Variants in TRPM6 observed in about 807,000 individuals in gnomAD.
The protein encoded by TRPM6 is channel kinase 2.
In TRPM6, 111 loss-of-function variants were observed where a neutral mutation model predicts 247.6. The observed-to-expected ratio is 0.45, with a 90% CI of 0.38 to 0.52. The LOEUF is 0.52. Ranked by LOEUF, TRPM6 falls within the 20% of genes least tolerant of loss-of-function variation. TRPM6 has a pLI of 0.00. For missense variants in TRPM6, 2,126 were observed against 2,421.5 expected, an observed-to-expected ratio of 0.88 and a Z score of 2.56; for synonymous variants, 892 against 853.8, an observed-to-expected ratio of 1.04 and a Z score of -0.78.
In TRPM6 at chr9:74,792,646, A is replaced by T. The variant is rs770234193; in HGVS notation, c.2516T>A (p.Ile839Asn). The T allele has an allele frequency of 6.2e-7, 1 of 1,614,136 alleles. No individual in the cohort carries two copies. The highest frequency in any genetic ancestry group is 1.1e-5 in the South Asian group (1 of 91,086). Residue 839 changes from isoleucine to asparagine, a missense_variant, in exon 19 of 39, where the codon ATT (isoleucine) becomes AAT (asparagine). Around this residue, in one of 3 missense-constraint regions of TRPM6, gnomAD observed 1,082 missense variants for 1,307.9 expected, o/e 0.83. Coordinates refer to ENST00000360774, the MANE Select transcript of TRPM6 (RefSeq NM_017662.5). ...RKVYEFYSAPIVKFWFYTMAY... is the reference protein window; with the variant it reads ...RKVYEFYSAPNVKFWFYTMAY... ...AACCGTATAAAACCAAAACTTGACAATTGGAGCACTGTAGAACTCATAGAC... is the reference window on the plus strand; with the variant it reads ...AACCGTATAAAACCAAAACTTGACATTTGGAGCACTGTAGAACTCATAGAC...
chr9:74,813,266 GA>G (rs1828799593), intron 11 of TRPM6, among the ~76,000 whole-genome samples: 1 of 152,182 alleles, frequency 6.6e-6, no homozygotes, highest in Non-Finnish European at 1.5e-5. Flanking sequence ...GTGGAGACAA[GA>G]ATGCAACATT....
chr9:74,879,524 T>C (rs1831295086), intron 1 of TRPM6, among the ~76,000 whole-genome samples: 1 of 152,170 alleles, frequency 6.6e-6, no homozygotes, highest in Non-Finnish European at 1.5e-5. Context: ...CTGCCTTTCT[T>C]ATACCTGGCC....
Position 74,788,722 on chromosome 9 carries a change from G to C in TRPM6, c.2559C>G (p.Leu853=). The C allele has an allele frequency of 6.2e-7, 1 of 1,614,064 alleles. No individual in the cohort carries two copies. The highest frequency in any genetic ancestry group is 1.7e-4 in the Middle Eastern group (1 of 6,056). The change falls in exon 20 of 39, where the codon CTC becomes CTG. Residue 853 remains leucine (L), a synonymous_variant. Coordinates refer to ENST00000360774, the MANE Select transcript of TRPM6 (RefSeq NM_017662.5). ...CCAACACGGTGTAAGTGAACAGCATGAGGAATGCCAAATACGCCATCTGTG... is the reference window on the plus strand; with the variant it reads ...CCAACACGGTGTAAGTGAACAGCATCAGGAATGCCAAATACGCCATCTGTG... ...WFYTMAYLAF[L]MLFTYTVLVE...
At position 74,775,905 on chromosome 9, in the gene TRPM6, T is replaced by C; in HGVS notation, c.3381A>G (p.Gln1127=). Residue 1127 remains glutamine (Q), a synonymous_variant, in exon 24 of 39, where the codon CAA becomes CAG. Transcript: ENST00000360774. ...TACTTAATCCAACGTCACCCTCTTC[T>C]TGGTCGTGAGGAGCTCGATGACAGC... ...RLCCHRAPHD[Q]EEGDVGLKLY... 6.2e-7 allele frequency: 1 copy of C among 1,614,132 alleles called. No individual in the cohort carries two copies. The highest frequency in any genetic ancestry group is 8.5e-7 in the Non-Finnish European group (1 of 1,180,030).
chr9:74,839,900 G>A lies in TRPM6; in HGVS notation c.544+124C>T, dbSNP rs181812092. ...AAGGAAGGAAGGAAGGAAGGAGGGA[G>A]GGAGGGAGGGAGGGAGGGAAAGAAA... On this transcript the variant is annotated intron_variant, in intron 5 of 38. Coordinates refer to ENST00000360774, the MANE Select transcript of TRPM6 (RefSeq NM_017662.5). The A allele has an allele frequency of 8.8e-4, 405 of 461,546 alleles. 9 individuals are homozygous for A. Among genetic ancestry groups the A allele is most frequent in the African/African-American group, 1.5e-3 (38 of 25,404 alleles). The allele number at this position is 461,546 out of a possible 1,614,324, so 28.6% of individuals were successfully genotyped here. A position where few individuals can be genotyped will look rare whatever the true frequency, so the allele number is the denominator to read the frequency against.
intron 1 of TRPM6, among the ~76,000 whole-genome samples, chr9:74,859,297 A>G (rs1830623634): frequency 6.6e-6 from 1 of 152,120 alleles, no homozygotes; most frequent in Non-Finnish European, 1.5e-5. Context: ...TCCAAGTGAG[A>G]TGTTGATACT....
At chr9:74,887,789 C>T (rs369042565) in intron 1 of TRPM6, 35 bp downstream of exon 1, 1 of 1,614,152 alleles carries the variant, frequency 6.2e-7, no homozygotes, top group East Asian at 2.2e-5. Flanking sequence ...CGCCTAAGGT[C>T]CTTGTTCCCC....
At chr9:74,861,886 C>T (rs1404760058) in intron 1 of TRPM6, among the ~76,000 whole-genome samples, 1 of 151,910 alleles carries the variant, frequency 6.6e-6, no homozygotes, top group Non-Finnish European at 1.5e-5. Flanking sequence ...CCCTGGACTC[C>T]AACTCCTATA....
intron 18 of TRPM6, 84 bp downstream of exon 18, chr9:74,796,657 G>T: frequency 7.2e-7 from 1 of 1,390,174 alleles, no homozygotes; most frequent in Non-Finnish European, 1.0e-6. Flanking sequence ...TTAATAGATG[G>T]CTATATAAGT....
At chr9:74,820,483 C>T in intron 8 of TRPM6, 56 bp from the exon 9 acceptor site, 1 of 1,609,872 alleles carries the variant, frequency 6.2e-7, no homozygotes, top group Non-Finnish European at 8.5e-7. Context: ...GAGCCGGCAA[C>T]ATCAGTACAA....
chr9:74,783,226 G>A (rs967538168), intron 21 of TRPM6, among the ~76,000 whole-genome samples: 1 of 152,062 alleles, frequency 6.6e-6, no homozygotes, highest in Non-Finnish European at 1.5e-5. Flanking sequence ...TTAGTCCAAT[G>A]GCTCCTTATT....
chr9:74,765,237 C>T (rs1016991580), intron 25 of TRPM6, among the ~76,000 whole-genome samples: 2 of 150,722 alleles, frequency 1.3e-5, no homozygotes, highest in South Asian at 2.1e-4. Context: ...CTATTATGTT[C>T]GGCATTATGT....
intron 23 of TRPM6, among the ~76,000 whole-genome samples, chr9:74,781,838 T>A (rs531284633): frequency 6.6e-6 from 1 of 152,330 alleles, no homozygotes; most frequent in South Asian, 2.1e-4. Flanking sequence ...GTTCTCCATA[T>A]CTGCGGGTTC....
At chr9:74,731,695 CATATAATATATATAATAT>C (rs545977101) in intron 37 of TRPM6, among the ~76,000 whole-genome samples, 3 of 148,210 alleles carry the variant, frequency 2.0e-5, no homozygotes, top group Non-Finnish European at 4.5e-5. Flanking sequence ...TGTAGTTATA[CATATAATATATATAATAT>C]ATATAATATA....
At chr9:74,851,618 G>A (rs1587579490) in intron 3 of TRPM6, among the ~76,000 whole-genome samples, 2 of 151,522 alleles carry the variant, frequency 1.3e-5, no homozygotes, top group East Asian at 1.9e-4. Context: ...GCGTGGTGGT[G>A]GGCGCCTGTA....
At chr9:74,768,246 C>A (rs1826895363) in intron 25 of TRPM6, among the ~76,000 whole-genome samples, 1 of 152,132 alleles carries the variant, frequency 6.6e-6, no homozygotes, top group African/African-American at 2.4e-5. Context: ...TCTCTTTGCC[C>A]ATTACAGGTG....
chr9:74,828,631 CTTT>C (rs71497362), intron 6 of TRPM6, among the ~76,000 whole-genome samples: 3 of 138,592 alleles, frequency 2.2e-5, no homozygotes, highest in Non-Finnish European at 3.1e-5. Flanking sequence ...TCCTTTCTTT[CTTT>C]TTTTTTTTTT....
In TRPM6 at chr9:74,750,692, T is replaced by C. The variant is rs769737307; in HGVS notation, c.5029A>G (p.Arg1677Gly). 12 of 1,613,964 alleles carry C rather than the reference T, an allele frequency of 7.4e-6. No individual in the cohort carries two copies. Among genetic ancestry groups the C allele is most frequent in the Non-Finnish European group, 9.3e-6 (11 of 1,179,822 alleles). The stretch of plus-strand genomic sequence containing the variant: ...GAGTTCCTATTGAGGTTGGTGCTCC[T>C]GGAATTCCACAAAGAGTTTTTGCTG... ...DLSKNSLWNS[R>G]STNLNRNSLL... is the part of the protein sequence containing the mutation. The change falls in exon 30 of 39, where the codon AGG becomes GGG. Residue 1677 changes from arginine (R) to glycine (G), a missense_variant. Physicochemically the swap from Arg to Gly is moderately radical, Grantham distance 125. Around this residue, in one of 3 missense-constraint regions of TRPM6, gnomAD observed 717 missense variants for 715.9 expected, o/e 1.00. Transcript: ENST00000360774.
intron 5 of TRPM6, among the ~76,000 whole-genome samples, chr9:74,838,805 G>A (rs1236139938): frequency 2.0e-5 from 3 of 152,046 alleles, no homozygotes; most frequent in Non-Finnish European, 4.4e-5. Flanking sequence ...AAAAGTAAAG[G>A]GAAGATAGAA....
Sources: gnomAD v4.1 joint callset for allele counts (sites outside exome capture counted in the v4.1 genomes callset) on GRCh38, gnomAD v4.1.1 for gene constraint, gnomAD v4.1.1 regional missense constraint, MANE v1.5 for transcripts, NCBI Gene and HGNC (gene_info 2026-07-23, HGNC 2026-07-21) for gene names.